ARNT: variants seen among roughly 807,000 people sequenced by gnomAD.
ARNT encodes aryl hydrocarbon receptor nuclear translocator.
ARNT carries 30 observed loss-of-function variants against 105.0 expected under a neutral mutation model. The observed-to-expected ratio is 0.29, with a 90% CI of 0.21 to 0.39. The LOEUF (loss-of-function observed/expected upper bound fraction) is 0.39. ARNT is among the 10% of genes least tolerant of loss of function. The probability of loss-of-function intolerance (pLI) is 1.00; values close to 1 mark genes in which losing one functional copy is unlikely to be tolerated. For missense variants in ARNT, 748 were observed against 978.7 expected, an observed-to-expected ratio of 0.76 and a Z score of 3.15; for synonymous variants, 304 against 344.0, an observed-to-expected ratio of 0.88 and a Z score of 1.29.
At chr1:150,814,288 A>T in intron 19 of ARNT, 49 bp from the exon 20 acceptor site, 1 of 1,573,980 alleles carries the variant, frequency 6.4e-7, no homozygotes, top group Non-Finnish European at 8.7e-7. Context: ...CATTAACATC[A>T]TTGCACATAC....
Position 150,823,194 on chromosome 1 carries a change from T to C in ARNT, c.1394A>G (p.Lys465Arg), listed in dbSNP as rs777285312. The change falls in exon 14 of 22, where the codon AAG becomes AGG. Residue 465 changes from lysine (K) to arginine (R), a missense_variant and splice_region_variant. Around this residue, in one of 4 missense-constraint regions of ARNT, gnomAD observed 360 missense variants for 411.9 expected, o/e 0.87. Transcript: ENST00000358595. ...EYIICTNTNVKNSSQEPRPTL... is the reference protein window; with the variant it reads ...EYIICTNTNVRNSSQEPRPTL... The stretch of plus-strand genomic sequence containing the variant: ...TTTCACACTCCTGTATAATACATAC[T>C]TCACATTGGTGTTGGTACAGATGAT... 6.2e-7 allele frequency: 1 copy of C among 1,603,404 alleles called. No homozygotes were observed. The highest frequency in any genetic ancestry group is 1.7e-5 in the Admixed American group (1 of 59,320).
intron 3 of ARNT, among the ~76,000 whole-genome samples, chr1:150,850,346 G>A (rs1010101784): frequency 3.3e-5 from 5 of 152,174 alleles, no homozygotes; most frequent in Non-Finnish European, 7.4e-5. Flanking sequence ...AAGCTGGACT[G>A]TACTGCTGCC....
chr1:150,829,399 A>C (rs587713459), intron 11 of ARNT, 172 bp from the exon 12 acceptor site: 1 of 655,992 alleles, frequency 1.5e-6, no homozygotes, highest in East Asian at 2.8e-5. Context: ...CAGACAAGGC[A>C]TAAGGTCTAG....
chr1:150,817,831 AT>A, intron 15 of ARNT, 88 bp downstream of exon 15: 9 of 1,114,734 alleles, frequency 8.1e-6, no homozygotes, highest in East Asian at 2.6e-5. Context: ...AAAAAAAAAA[AT>A]TAACCAACCG....
chr1:150,870,682 A>C (rs1667284861), intron 1 of ARNT, among the ~76,000 whole-genome samples: 1 of 151,538 alleles, frequency 6.6e-6, no homozygotes, highest in Non-Finnish European at 1.5e-5. Flanking sequence ...AATTTTTTGT[A>C]TTTTTTTGTA....
chr1:150,860,218 CTTTT>C (rs756996050), intron 1 of ARNT, among the ~76,000 whole-genome samples: 1 of 112,990 alleles, frequency 8.9e-6, no homozygotes. Flanking sequence ...AAAAAAAATT[CTTTT>C]TTTTTTTTTT....
At chr1:150,826,215 G>A (rs934851437) in intron 13 of ARNT, among the ~76,000 whole-genome samples, 1 of 151,970 alleles carries the variant, frequency 6.6e-6, no homozygotes, top group Non-Finnish European at 1.5e-5. Context: ...ATGCCCAGAC[G>A]AGGAAAACAT....
At chr1:150,856,529 A>G (rs1664648307) in intron 2 of ARNT, among the ~76,000 whole-genome samples, 2 of 152,226 alleles carry the variant, frequency 1.3e-5, no homozygotes, top group African/African-American at 4.8e-5. Flanking sequence ...TTGGGAGGCC[A>G]AGGTGGGCAT....
chr1:150,871,025 A>C (rs900219887), intron 1 of ARNT, among the ~76,000 whole-genome samples: 4 of 152,012 alleles, frequency 2.6e-5, no homozygotes, highest in African/African-American at 9.7e-5. Context: ...AAAACTTTAA[A>C]ACAAGAAAAT....
At chr1:150,833,937 CTT>C (rs1449123694) in intron 8 of ARNT, among the ~76,000 whole-genome samples, 21 of 141,780 alleles carry the variant, frequency 1.5e-4, no homozygotes, top group Non-Finnish European at 1.6e-4. Context: ...TTTTCTTTTT[CTT>C]TTTTTTTTTT....
At chr1:150,859,352 T>A (rs2102307818) in intron 1 of ARNT, among the ~76,000 whole-genome samples, 1 of 151,302 alleles carries the variant, frequency 6.6e-6, no homozygotes, top group African/African-American at 2.4e-5. Context: ...TACTTTTTTT[T>A]TTTTTTTTTT....
chr1:150,842,804 G>C (rs943780210), intron 4 of ARNT, among the ~76,000 whole-genome samples: 6 of 152,118 alleles, frequency 3.9e-5, no homozygotes, highest in African/African-American at 1.2e-4. Context: ...TTTGCCAATC[G>C]ATCTCTGTAG....
chr1:150,868,841 T>C (rs1457722011), intron 1 of ARNT, among the ~76,000 whole-genome samples: 1 of 151,620 alleles, frequency 6.6e-6, no homozygotes, highest in East Asian at 1.9e-4. Flanking sequence ...GAGGTTGCAG[T>C]GAGCCGAGAT....
At chr1:150,861,201 G>T (rs745643618) in intron 1 of ARNT, 2 of 309,834 alleles carry the variant, frequency 6.5e-6, no homozygotes, top group South Asian at 4.9e-5. Flanking sequence ...ACAGTATGGA[G>T]ATGCCTCCAA....
intron 4 of ARNT, among the ~76,000 whole-genome samples, chr1:150,843,155 G>A (rs587674449): frequency 8.5e-5 from 13 of 152,048 alleles, no homozygotes; most frequent in Admixed American, 1.3e-4. Context: ...ACTTTGATTC[G>A]GTCCTTTTGC....
Position 150,823,361 on chromosome 1 carries a change from T to C in ARNT, c.1243-16A>G. The C allele has an allele frequency of 6.3e-7, 1 of 1,583,428 alleles. No homozygotes were observed. Among genetic ancestry groups the C allele is most frequent in the Non-Finnish European group, 8.6e-7 (1 of 1,161,328 alleles). On this transcript the variant is annotated splice_polypyrimidine_tract_variant and intron_variant, in intron 13 of 21. Coordinates refer to ENST00000358595, the MANE Select transcript of ARNT (RefSeq NM_001668.4). The stretch of plus-strand genomic sequence containing the variant: ...ATTTCACTACCTGAAAAAGTTTTCA[T>C]GCCATCAGTGGAACTCATAGAAAAT...
Position 150,846,188 on chromosome 1 carries a change from A to C in ARNT, c.227+75T>G. Reference sequence around the variant, plus strand: ...CGTCTCATCCAGAAAAAATTAAGTCAATATGCTAGGACTGTCTGGTTCTAC... The same window carrying C: ...CGTCTCATCCAGAAAAAATTAAGTCCATATGCTAGGACTGTCTGGTTCTAC... On this transcript the variant is annotated intron_variant, in intron 4 of 21. Coordinates refer to ENST00000358595, the MANE Select transcript of ARNT (RefSeq NM_001668.4). 2.3e-6 allele frequency: 3 copies of C among 1,295,180 alleles called. No individual in the cohort carries two copies. In the East Asian group the frequency reaches 7.3e-5, roughly 31 times the overall value. 80.2% of individuals were successfully genotyped at this position (1,295,180 alleles called of 1,614,324 possible). A position where few individuals can be genotyped will look rare whatever the true frequency, so the allele number is the denominator to read the frequency against.
At chr1:150,876,214 G>A (rs1322158471) in intron 1 of ARNT, among the ~76,000 whole-genome samples, 3 of 152,328 alleles carry the variant, frequency 2.0e-5, no homozygotes, top group Admixed American at 6.5e-5. Context: ...CGGGCAGAGG[G>A]TTAAAAGAGG....
intron 1 of ARNT, among the ~76,000 whole-genome samples, chr1:150,871,725 C>G (rs1667469947): frequency 6.7e-6 from 1 of 148,900 alleles, no homozygotes; most frequent in Non-Finnish European, 1.5e-5. Context: ...GCCTGGCCAA[C>G]ATGGAGAAAC....
Sources: gnomAD v4.1 joint callset for allele counts (sites outside exome capture counted in the v4.1 genomes callset) on GRCh38, gnomAD v4.1.1 for gene constraint, gnomAD v4.1.1 regional missense constraint, MANE v1.5 for transcripts, NCBI Gene and HGNC (gene_info 2026-07-23, HGNC 2026-07-21) for gene names.